Variants in MSRA observed in about 807,000 individuals in gnomAD.
MSRA encodes the protein methionine sulfoxide reductase A, also known as mitochondrial peptide methionine sulfoxide reductase.
MSRA carries 54 observed loss-of-function variants against 31.3 expected under a neutral mutation model. That is an observed-to-expected ratio of 1.73 (90% CI 1.39 to 2.17). The LOEUF is 2.17. Among genes scored for constraint, MSRA ranks in the 30% most tolerant of loss-of-function variants. MSRA has a pLI of 0.00. For synonymous variants in MSRA, 169 were observed against 116.5 expected (o/e 1.45, Z -2.90); for missense variants, 507 against 300.9 (o/e 1.69, Z -5.07).
intron 5 of MSRA, among the ~76,000 whole-genome samples, chr8:10,410,327 G>T (rs948564067): frequency 6.6e-6 from 1 of 152,166 alleles, no homozygotes; most frequent in Non-Finnish European, 1.5e-5. Flanking sequence ...ACTTGTTTGG[G>T]GGGTGCCGGT....
At chr8:10,288,269 A>G (rs1490675480) in intron 3 of MSRA, among the ~76,000 whole-genome samples, 3 of 152,116 alleles carry the variant, frequency 2.0e-5, no homozygotes, top group Non-Finnish European at 2.9e-5. Context: ...TACCACAGAT[A>G]TACTATATAC....
chr8:10,121,337 C>A (rs1420692236), intron 1 of MSRA, among the ~76,000 whole-genome samples: 1 of 152,178 alleles, frequency 6.6e-6, no homozygotes, highest in South Asian at 2.1e-4. Flanking sequence ...GTGGGCAGCA[C>A]TGACCGTGCA....
intron 1 of MSRA, among the ~76,000 whole-genome samples, chr8:10,106,190 G>A (rs2128936586): frequency 6.6e-6 from 1 of 152,302 alleles, no homozygotes; most frequent in East Asian, 1.9e-4. Context: ...GTCAGACCTT[G>A]AGGTATGGTT....
chr8:10,066,839 T>G (rs918268213), intron 1 of MSRA, among the ~76,000 whole-genome samples: 1 of 151,994 alleles, frequency 6.6e-6, no homozygotes, highest in Non-Finnish European at 1.5e-5. Flanking sequence ...CTGGCTCAGC[T>G]GGTATATCTT....
intron 5 of MSRA, among the ~76,000 whole-genome samples, chr8:10,394,413 A>C (rs906380534): frequency 1.3e-5 from 2 of 152,234 alleles, no homozygotes; most frequent in Non-Finnish European, 2.9e-5. Flanking sequence ...AAAGGGAATT[A>C]ATGTTGTATC....
In MSRA at chr8:10,428,093, G is replaced by T. The variant is rs964663059; in HGVS notation, c.544-55G>T. On this transcript the variant is annotated intron_variant, in intron 5 of 5. Coordinates refer to ENST00000317173, the MANE Select transcript of MSRA (RefSeq NM_012331.5). ...CCCTGGCCCCTCAGTGCCACCCCTC[G>T]CAGGTGCTGTCTCTCTAGCATGGGA... is the stretch of plus-strand genomic sequence containing the variant. The T allele has an allele frequency of 1.9e-6, 3 of 1,565,650 alleles. No homozygotes were observed. The South Asian group carries it at 3.7e-5, about 19-fold the overall frequency.
intron 5 of MSRA, among the ~76,000 whole-genome samples, chr8:10,329,955 G>C (rs1263492795): frequency 6.7e-6 from 1 of 149,872 alleles, no homozygotes; most frequent in Non-Finnish European, 1.5e-5. Flanking sequence ...AAAAATAACA[G>C]TAGAAAAAAA....
chr8:10,213,016 CA>C (rs1809645910), intron 2 of MSRA, among the ~76,000 whole-genome samples: 1 of 152,144 alleles, frequency 6.6e-6, no homozygotes, highest in Admixed American at 6.5e-5. Context: ...TCCCCTCAAA[CA>C]TTTATCCTTT....
At chr8:10,057,755 A>T (rs117211268) in intron 1 of MSRA, among the ~76,000 whole-genome samples, 12 of 152,128 alleles carry the variant, frequency 7.9e-5, no homozygotes, top group South Asian at 4.2e-4. Flanking sequence ...TTGTGTGGAG[A>T]TGTGCCAGCT....
chr8:10,358,622 TCG>T (rs1376104609), intron 5 of MSRA, among the ~76,000 whole-genome samples: 3 of 125,292 alleles, frequency 2.4e-5, no homozygotes, highest in African/African-American at 9.6e-5. Context: ...AGACGGAGTC[TCG>T]CTCTGTCGCC....
At chr8:10,108,191 A>G (rs1800023744) in intron 1 of MSRA, among the ~76,000 whole-genome samples, 1 of 152,118 alleles carries the variant, frequency 6.6e-6, no homozygotes, top group Non-Finnish European at 1.5e-5. Context: ...ATAATCTCTG[A>G]CGTTTGTTCT....
chr8:10,387,769 G>C (rs1386281402), intron 5 of MSRA, among the ~76,000 whole-genome samples: 1 of 152,232 alleles, frequency 6.6e-6, no homozygotes, highest in Admixed American at 6.5e-5. Context: ...ATCTTTCCTA[G>C]TTATTCAGTG....
chr8:10,405,765 ACACACCTAT>A (rs1807769724), intron 5 of MSRA, among the ~76,000 whole-genome samples: 3 of 49,680 alleles, frequency 6.0e-5, no homozygotes, highest in Non-Finnish European at 2.4e-4. Context: ...ATGTGCTCAC[ACACACCTAT>A]GTGCTCACAC....
At chr8:10,310,860 C>T (rs1563336539) in intron 4 of MSRA, among the ~76,000 whole-genome samples, 1 of 152,108 alleles carries the variant, frequency 6.6e-6, no homozygotes, top group African/African-American at 2.4e-5. Flanking sequence ...GCACATTATC[C>T]GATGATTTTA....
At chr8:10,397,616 C>A (rs973598691) in intron 5 of MSRA, among the ~76,000 whole-genome samples, 1 of 152,192 alleles carries the variant, frequency 6.6e-6, no homozygotes, top group African/African-American at 2.4e-5. Flanking sequence ...AAGAGAGGGC[C>A]TGGCACCTAA....
intron 5 of MSRA, among the ~76,000 whole-genome samples, chr8:10,417,469 A>G (rs185614455): frequency 9.8e-4 from 143 of 145,812 alleles, no homozygotes; most frequent in Non-Finnish European, 1.8e-3. Flanking sequence ...ATGTAGGCTT[A>G]GTAAGCCCAG....
intron 3 of MSRA, among the ~76,000 whole-genome samples, chr8:10,296,087 G>C (rs768932370): frequency 6.6e-6 from 1 of 152,194 alleles, no homozygotes; most frequent in Non-Finnish European, 1.5e-5. Context: ...CATCAAAAGA[G>C]TGAGAATCTG....
At chr8:10,173,518 C>T (rs967055158) in intron 1 of MSRA, among the ~76,000 whole-genome samples, 3 of 152,218 alleles carry the variant, frequency 2.0e-5, no homozygotes, top group African/African-American at 7.2e-5. Context: ...AGGAATCGGC[C>T]TCCTCTGGCT....
intron 3 of MSRA, among the ~76,000 whole-genome samples, chr8:10,280,345 C>T (rs543277744): frequency 4.6e-5 from 6 of 131,802 alleles, no homozygotes; most frequent in African/African-American, 1.7e-4. Flanking sequence ...ATATTTTTTA[C>T]TTTTTGCTCC....
Sources: allele counts gnomAD v4.1 joint callset (sites outside exome capture counted in the v4.1 genomes callset), GRCh38; gene constraint gnomAD v4.1.1; transcripts MANE v1.5; gene names NCBI Gene and HGNC (gene_info 2026-07-23, HGNC 2026-07-21).